SCN11A: variants seen among roughly 807,000 people sequenced by gnomAD.
SCN11A encodes the protein sodium channel protein type 11 subunit alpha.
Under a neutral mutation model 162.2 loss-of-function variants are expected in SCN11A, and 122 were observed. The observed-to-expected ratio is 0.75, with a 90% CI of 0.65 to 0.87. SCN11A has a LOEUF of 0.87. Ranked by LOEUF, SCN11A falls within the 40% of genes least tolerant of loss-of-function variation. The pLI is 0.00. For missense variants in SCN11A, 2,015 were observed against 2,181.6 expected (o/e 0.92, Z 1.52); for synonymous variants, 758 against 751.5 (o/e 1.01, Z -0.14).
intron 7 of SCN11A, among the ~76,000 whole-genome samples, chr3:38,942,304 TA>T (rs1431321552): frequency 2.6e-5 from 4 of 152,094 alleles, no homozygotes; most frequent in Non-Finnish European, 5.9e-5. Context: ...AAATGCTAAG[TA>T]AAAATCAGTA....
At chr3:38,985,720 GAA>G (rs1286730510) in intron 2 of SCN11A, among the ~76,000 whole-genome samples, 3 of 150,998 alleles carry the variant, frequency 2.0e-5, no homozygotes, top group African/African-American at 7.4e-5. Context: ...GTGAAAACTA[GAA>G]GAGACATGTT....
chr3:39,047,044 A>ACCCCC (rs2032200925), intron 1 of SCN11A, among the ~76,000 whole-genome samples: 1 of 8,184 alleles, frequency 1.2e-4, no homozygotes. Context: ...CCCCACCCCC[A>ACCCCC]TCCCCCCACC....
At chr3:38,959,206 T>C (rs1264190226) in intron 3 of SCN11A, among the ~76,000 whole-genome samples, 1 of 152,166 alleles carries the variant, frequency 6.6e-6, no homozygotes, top group African/African-American at 2.4e-5. Context: ...TCTTTCAGAA[T>C]TTCCCCCAGA....
chr3:38,853,257 T>C (rs6790993), intron 28 of SCN11A, among the ~76,000 whole-genome samples: 196 of 152,296 alleles, frequency 1.3e-3, no homozygotes, highest in African/African-American at 4.5e-3. Context: ...GACCAACTGA[T>C]AATGAGTCAG....
chr3:39,045,378 A>G (rs908255135), intron 1 of SCN11A, among the ~76,000 whole-genome samples: 1 of 152,240 alleles, frequency 6.6e-6, no homozygotes, highest in African/African-American at 2.4e-5. Flanking sequence ...ATGAACATAG[A>G]TATAAAAATT....
intron 7 of SCN11A, among the ~76,000 whole-genome samples, chr3:38,930,919 T>C (rs1446078034): frequency 6.6e-6 from 1 of 152,152 alleles, no homozygotes; most frequent in Non-Finnish European, 1.5e-5. Context: ...GGTATTTTAA[T>C]AGTGAAAATG....
chr3:38,967,832 A>T (rs1196895412), intron 2 of SCN11A, among the ~76,000 whole-genome samples: 1 of 152,214 alleles, frequency 6.6e-6, no homozygotes, highest in Admixed American at 6.5e-5. Context: ...CAGCAAAGGC[A>T]TCAACGCCCA....
In SCN11A at chr3:38,846,974, C is replaced by T; in HGVS notation, c.5096G>A (p.Gly1699Asp). ...CATCATTGCTTTCATACTATCTAGG[C>T]CATCAGAGCCACCGAGTACCCTAGC... ...FTARVLGGSDGLDSMKAMMEE... is the reference protein window; with the variant it reads ...FTARVLGGSDDLDSMKAMMEE... Residue 1699 changes from glycine (G) to aspartate (D), a missense_variant, in exon 30 of 30, where the codon GGC (glycine) becomes GAC (aspartate). By Grantham distance (94) the Gly-to-Asp change is moderately conservative. Transcript: ENST00000302328. 6.2e-7 allele frequency: 1 copy of T among 1,614,094 alleles called. No homozygotes were observed. Among genetic ancestry groups the T allele is most frequent in the Non-Finnish European group, 8.5e-7 (1 of 1,180,020 alleles).
chr3:39,034,143 C>T (rs2031838441), intron 1 of SCN11A, among the ~76,000 whole-genome samples: 1 of 152,072 alleles, frequency 6.6e-6, no homozygotes, highest in Non-Finnish European at 1.5e-5. Context: ...GCCTGGACAA[C>T]AGAGTGAGAC....
chr3:38,950,113 A>G lies in SCN11A; in HGVS notation c.250T>C (p.Phe84Leu). ...TGAAGTACCTTATGATTTCGGTAGA[A>G]TGGGTCCAAGTCTTCCAGAGGCTTT... ...IGKPLEDLDP[F>L]YRNHKTFMVL... The change falls in exon 5 of 30, where the codon TTC becomes CTC. Residue 84 changes from phenylalanine (F) to leucine (L), a missense_variant. Coordinates refer to ENST00000302328, the MANE Select transcript of SCN11A (RefSeq NM_001349253.2). 7.7e-7 allele frequency: 1 copy of G among 1,298,260 alleles called. No homozygotes were observed. Among genetic ancestry groups the G allele is most frequent in the South Asian group, 1.2e-5 (1 of 85,392 alleles). The allele number at this position is 1,298,260 out of a possible 1,614,324, so 80.4% of individuals were successfully genotyped here.
intron 1 of SCN11A, among the ~76,000 whole-genome samples, chr3:39,034,972 T>C (rs1207076400): frequency 6.6e-6 from 1 of 152,082 alleles, no homozygotes. Context: ...TAGAAAGATA[T>C]ACCATGTTCA....
chr3:38,957,543 T>A (rs1298037380), intron 3 of SCN11A, among the ~76,000 whole-genome samples: 1 of 152,042 alleles, frequency 6.6e-6, no homozygotes, highest in Non-Finnish European at 1.5e-5. Context: ...CGACTTGACG[T>A]GGGGAATGAC....
chr3:38,900,277 A>G (rs775275377), intron 16 of SCN11A, among the ~76,000 whole-genome samples: 4 of 152,138 alleles, frequency 2.6e-5, no homozygotes, highest in Non-Finnish European at 5.9e-5. Context: ...ATCCCTCTCC[A>G]TGGTGCCCAG....
chr3:39,001,257 T>C (rs2030803403), intron 2 of SCN11A, among the ~76,000 whole-genome samples: 1 of 152,136 alleles, frequency 6.6e-6, no homozygotes, highest in Non-Finnish European at 1.5e-5. Flanking sequence ...CAAAAAAAAC[T>C]CCATATCCGT....
chr3:39,023,010 T>C (rs998308393), intron 2 of SCN11A, among the ~76,000 whole-genome samples: 1 of 152,256 alleles, frequency 6.6e-6, no homozygotes, highest in Non-Finnish European at 1.5e-5. Flanking sequence ...AGTGTGATAA[T>C]GATATTATGC....
chr3:39,006,069 T>A (rs1208489095), intron 2 of SCN11A, among the ~76,000 whole-genome samples: 1 of 152,238 alleles, frequency 6.6e-6, no homozygotes, highest in Non-Finnish European at 1.5e-5. Context: ...AAAATTCTGC[T>A]CTATTGTCTT....
rs932898267 is a variant in SCN11A at position 39,046,303 on chromosome 3, AAGGG to A, written c.-404+5554_-404+5557del. Among the ~76,000 whole-genome samples, 222 of 128,378 alleles carry A rather than the reference AAGGG, an allele frequency of 1.7e-3. 1 individual carries two copies. The highest frequency in any genetic ancestry group is 5.4e-3 in the African/African-American group (190 of 34,978). 84.2% of individuals were successfully genotyped at this position (128,378 alleles called of 152,430 possible). On this transcript the variant is annotated intron_variant, in intron 1 of 29. Transcript: ENST00000302328. Reference sequence around the variant, plus strand: ...CAAGGAAGGAAGGAAGGGAGGGAGGAAGGGAGGGAGGGAGGGAGGGAGGGAATGA... The same window carrying A: ...CAAGGAAGGAAGGAAGGGAGGGAGGAAGGGAGGGAGGGAGGGAGGGAATGA...
At position 38,897,073 on chromosome 3, in the gene SCN11A, A is replaced by C. The variant is rs915394030; in HGVS notation, c.2175T>G (p.Arg725=). ...TTGGACTCTTTTGGGAATTGAAGCT[A>C]CGGCCAAAAAGCTGCATGCCAACTA... The part of the protein sequence containing the change: ...FSVVGMQLFG[R]SFNSQKSPKL... Residue 725 remains arginine, a synonymous_variant, in exon 18 of 30, where the codon CGT becomes CGG. Coordinates refer to ENST00000302328, the MANE Select transcript of SCN11A (RefSeq NM_001349253.2). The C allele has an allele frequency of 6.2e-6, 10 of 1,614,020 alleles. No individual in the cohort carries two copies. The African/African-American group carries it at 1.2e-4, about 19-fold the overall frequency.
chr3:38,908,506 G>A (rs1411392774), intron 13 of SCN11A, among the ~76,000 whole-genome samples: 1 of 152,126 alleles, frequency 6.6e-6, no homozygotes, highest in Non-Finnish European at 1.5e-5. Flanking sequence ...TCCCTGTCCT[G>A]AAAATCTGAG....
Sources: gnomAD v4.1 joint callset for allele counts (sites outside exome capture counted in the v4.1 genomes callset) on GRCh38, gnomAD v4.1.1 for gene constraint, MANE v1.5 for transcripts, NCBI Gene and HGNC (gene_info 2026-07-23, HGNC 2026-07-21) for gene names.